Variants in NECAB1 observed in about 807,000 individuals in gnomAD.
NECAB1 encodes N-terminal EF-hand calcium binding protein 1.
In NECAB1, 29 loss-of-function variants were observed where a neutral mutation model predicts 57.5. That is an observed-to-expected ratio of 0.50 (90% confidence interval 0.38 to 0.69). The LOEUF (loss-of-function observed/expected upper bound fraction) is 0.69, where lower values mean the gene tolerates loss of function less well. Ranked by LOEUF, NECAB1 falls within the 30% of genes least tolerant of loss-of-function variation. The probability of loss-of-function intolerance (pLI) is 0.00; values close to 1 mark genes in which losing one functional copy is unlikely to be tolerated. For missense variants in NECAB1, 372 were observed against 413.8 expected (o/e 0.90, Z 0.88); for synonymous variants, 142 against 147.7 (o/e 0.96, Z 0.28).
chr8:90,842,591 C>G (rs1812472821), intron 3 of NECAB1, among the ~76,000 whole-genome samples: 1 of 152,168 alleles, frequency 6.6e-6, no homozygotes, highest in African/African-American at 2.4e-5. Flanking sequence ...GATCCTTGCT[C>G]TTCAAATGAA....
Position 90,958,476 on chromosome 8 carries a change from AAT to A in NECAB1, c.*2965_*2966del, listed in dbSNP as rs1306527736. 1 of 151,626 alleles carries A rather than the reference AAT, an allele frequency of 6.6e-6. No homozygotes were observed. The highest frequency in any genetic ancestry group is 1.5e-5 in the Non-Finnish European group (1 of 67,690). 9.4% of individuals were successfully genotyped at this position (151,626 alleles called of 1,614,324 possible). On this transcript the variant is annotated 3_prime_UTR_variant, in exon 13 of 13. Coordinates refer to ENST00000417640, the MANE Select transcript of NECAB1 (RefSeq NM_022351.5). ...TATCTGAAAAGAAATACCCATTAAA[AAT>A]TCTGCCTCCTGTTTATTGAGAACTA...
chr8:90,903,754 A>G (rs763791038), intron 5 of NECAB1: 1 of 152,210 alleles, frequency 6.6e-6, no homozygotes, highest in Admixed American at 6.6e-5. Context: ...AAATGTATCC[A>G]AGCCCTGGCA....
In NECAB1 at chr8:90,956,380, T is replaced by C. The variant is rs890884745; in HGVS notation, c.*868T>C. ...TTGAAAAATAAAATTTTAACCCAAATGAATAACTAAGAAATATAAAACAAG... is the reference window on the plus strand; with the variant it reads ...TTGAAAAATAAAATTTTAACCCAAACGAATAACTAAGAAATATAAAACAAG... On this transcript the variant is annotated 3_prime_UTR_variant, in exon 13 of 13. Transcript: ENST00000417640. 6.6e-6 allele frequency: 1 copy of C among 151,858 alleles called. No individual in the cohort carries two copies. Among genetic ancestry groups the C allele is most frequent in the African/African-American group, 2.4e-5 (1 of 41,362 alleles). 9.4% of individuals were successfully genotyped at this position (151,858 alleles called of 1,614,324 possible). A position where few individuals can be genotyped will look rare whatever the true frequency, so the allele number is the denominator to read the frequency against.
intron 3 of NECAB1, among the ~76,000 whole-genome samples, chr8:90,871,905 A>G (rs375573719): frequency 5.3e-5 from 8 of 152,274 alleles, no homozygotes; most frequent in African/African-American, 1.9e-4. Flanking sequence ...GTTGCAGAGG[A>G]AAATATAAAT....
chr8:90,859,606 C>T (rs553187029), intron 3 of NECAB1, among the ~76,000 whole-genome samples: 1 of 152,172 alleles, frequency 6.6e-6, no homozygotes, highest in South Asian at 2.1e-4. Flanking sequence ...TCCCTTGATG[C>T]TATCTGAGAG....
intron 5 of NECAB1, among the ~76,000 whole-genome samples, chr8:90,882,499 A>G (rs1048432369): frequency 6.6e-6 from 1 of 152,084 alleles, no homozygotes; most frequent in African/African-American, 2.4e-5. Flanking sequence ...GAATATTTGG[A>G]AACTGTATAA....
chr8:90,934,381 A>G (rs1810481225), intron 9 of NECAB1, 24 bp downstream of exon 9: 2 of 1,358,570 alleles, frequency 1.5e-6, no homozygotes, highest in African/African-American at 3.0e-5. Context: ...TCAGGTAAAA[A>G]TGTTAGAAAT....
intron 5 of NECAB1, among the ~76,000 whole-genome samples, chr8:90,882,020 T>C (rs1349078059): frequency 6.6e-6 from 1 of 152,126 alleles, no homozygotes; most frequent in Non-Finnish European, 1.5e-5. Context: ...TGGCATGATG[T>C]AAGATGAAAC....
At chr8:90,914,461 T>C (rs1466579403) in intron 5 of NECAB1, among the ~76,000 whole-genome samples, 1 of 152,146 alleles carries the variant, frequency 6.6e-6, no homozygotes, top group East Asian at 1.9e-4. Context: ...TTCCTCCTTA[T>C]CAATGAGGGG....
intron 5 of NECAB1, among the ~76,000 whole-genome samples, chr8:90,904,727 A>G (rs909931727): frequency 6.6e-5 from 10 of 152,130 alleles, no homozygotes; most frequent in African/African-American, 2.4e-4. Context: ...TATATCTATA[A>G]ACCAACAATA....
intron 3 of NECAB1, among the ~76,000 whole-genome samples, chr8:90,865,429 T>C (rs1464869943): frequency 6.6e-6 from 1 of 152,112 alleles, no homozygotes; most frequent in Admixed American, 6.6e-5. Flanking sequence ...TCAAGCCAAC[T>C]GGGTGCCAAA....
At chr8:90,878,259 G>C (rs1352511021) in intron 4 of NECAB1, among the ~76,000 whole-genome samples, 3 of 152,028 alleles carry the variant, frequency 2.0e-5, no homozygotes, top group Admixed American at 2.0e-4. Flanking sequence ...TCTCCTCTCT[G>C]ACTTTAGGGC....
intron 12 of NECAB1, among the ~76,000 whole-genome samples, chr8:90,952,640 G>T (rs1458651666): frequency 6.6e-6 from 1 of 152,002 alleles, no homozygotes; most frequent in Non-Finnish European, 1.5e-5. Flanking sequence ...AGCTGGGCAT[G>T]GTGGGGCATG....
intron 10 of NECAB1, among the ~76,000 whole-genome samples, chr8:90,942,912 T>C (rs974512978): frequency 7.2e-5 from 11 of 152,104 alleles, no homozygotes; most frequent in African/African-American, 2.4e-5. Flanking sequence ...ACAGTACCTA[T>C]ATATACACCG....
intron 2 of NECAB1, among the ~76,000 whole-genome samples, chr8:90,816,104 C>G (rs1175389933): frequency 6.6e-6 from 1 of 151,818 alleles, no homozygotes; most frequent in African/African-American, 2.4e-5. Context: ...TTTCAATTCC[C>G]TAATGACCAT....
At chr8:90,815,088 T>G (rs1237847257) in intron 2 of NECAB1, among the ~76,000 whole-genome samples, 1 of 152,074 alleles carries the variant, frequency 6.6e-6, no homozygotes, top group African/African-American at 2.4e-5. Flanking sequence ...ATCCTCTTAC[T>G]CAATAGTGAG....
chr8:90,835,017 C>T (rs572544653), intron 3 of NECAB1, among the ~76,000 whole-genome samples: 48 of 149,530 alleles, frequency 3.2e-4, no homozygotes, highest in African/African-American at 8.1e-4. Context: ...GAGCCCGCAT[C>T]GACTTTCTTT....
chr8:90,811,877 C>T (rs1811966465), intron 2 of NECAB1, among the ~76,000 whole-genome samples: 1 of 152,150 alleles, frequency 6.6e-6, no homozygotes, highest in South Asian at 2.1e-4. Context: ...ATCAACTAGT[C>T]ACATGCCCAT....
intron 1 of NECAB1, among the ~76,000 whole-genome samples, chr8:90,795,068 C>A (rs544463204): frequency 9.2e-5 from 14 of 152,322 alleles, no homozygotes; most frequent in Admixed American, 5.2e-4. Flanking sequence ...ACACATAGGA[C>A]CACAGGGATT....
Sources: allele counts gnomAD v4.1 joint callset (sites outside exome capture counted in the v4.1 genomes callset), GRCh38; gene constraint gnomAD v4.1.1; transcripts MANE v1.5; gene names NCBI Gene and HGNC (gene_info 2026-07-23, HGNC 2026-07-21).